LONP2: variants seen among roughly 807,000 people sequenced by gnomAD.
LONP2 encodes lon peptidase 2, peroxisomal.
In LONP2, 60 loss-of-function variants were observed where a neutral mutation model predicts 85.6. The ratio of observed to expected loss-of-function variants is 0.70; its 90% CI spans 0.57 to 0.87. The LOEUF (loss-of-function observed/expected upper bound fraction) is 0.87. LONP2 is among the 40% of genes least tolerant of loss of function. LONP2 has a pLI of 0.00. For synonymous variants in LONP2, 395 were observed against 389.7 expected, an observed-to-expected ratio of 1.01 and a Z score of -0.16; for missense variants, 860 against 1,063.5, an observed-to-expected ratio of 0.81 and a Z score of 2.66.
chr16:48,265,437 G>T (rs1483007507), intron 6 of LONP2, among the ~76,000 whole-genome samples: 2 of 152,080 alleles, frequency 1.3e-5, no homozygotes, highest in African/African-American at 4.8e-5. Flanking sequence ...CTGCCTGTGG[G>T]TATCTGGTTT....
intron 7 of LONP2, among the ~76,000 whole-genome samples, chr16:48,275,308 C>T (rs2150980887): frequency 6.6e-6 from 1 of 152,258 alleles, no homozygotes; most frequent in Admixed American, 6.5e-5. Context: ...GAGGCTTGTA[C>T]TGTGTTACCT....
chr16:48,347,627 G>A lies in LONP2; in HGVS notation c.2059G>A (p.Gly687Ser). 1.2e-6 allele frequency: 2 copies of A among 1,614,244 alleles called. No homozygotes were observed. Among genetic ancestry groups the A allele is most frequent in the Non-Finnish European group, 1.7e-6 (2 of 1,180,054 alleles). Reference protein sequence around the residue: ...MDGEGQLTLTGQLGDVMKESA... With the variant: ...MDGEGQLTLTSQLGDVMKESA... ...TGGCGAGGGCCAGTTAACTCTGACCGGCCAGCTCGGGGACGTGATGAAGGA... is the reference window on the plus strand; with the variant it reads ...TGGCGAGGGCCAGTTAACTCTGACCAGCCAGCTCGGGGACGTGATGAAGGA... Residue 687 changes from glycine (G) to serine (S), a missense_variant, in exon 13 of 15, where the codon GGC (glycine) becomes AGC (serine). By Grantham distance (56) the Gly-to-Ser change is moderately conservative. Transcript: ENST00000285737.
rs1044370467 is a variant in LONP2 at position 48,352,230 on chromosome 16, C to T, written c.*428C>T. On this transcript the variant is annotated 3_prime_UTR_variant, in exon 15 of 15. Transcript: ENST00000285737. Reference sequence around the variant, plus strand: ...TCTGCTGCACACTCAAGTTCAGGAACCACCGGTATAGACCATTACCTTAGT... The same window carrying T: ...TCTGCTGCACACTCAAGTTCAGGAATCACCGGTATAGACCATTACCTTAGT... The T allele has an allele frequency of 5.3e-6, 1 of 189,018 alleles. No homozygotes were observed. Among genetic ancestry groups the T allele is most frequent in the Non-Finnish European group, 1.1e-5 (1 of 89,520 alleles). 11.7% of individuals were successfully genotyped at this position (189,018 alleles called of 1,614,324 possible).
intron 4 of LONP2, 57 bp from the exon 5 acceptor site, chr16:48,261,367 T>A: frequency 7.7e-7 from 1 of 1,292,908 alleles, no homozygotes; most frequent in Admixed American, 2.1e-5. Flanking sequence ...TGTACCTGGG[T>A]ACTTCGTTTC....
chr16:48,357,516 C>T (rs545717316), downstream of LONP2, among the ~76,000 whole-genome samples: 6 of 152,178 alleles, frequency 3.9e-5, no homozygotes, highest in Non-Finnish European at 8.8e-5. Flanking sequence ...CACAGTCCTG[C>T]GTGGTAGTTC....
rs142741961 is a variant in LONP2 at position 48,299,731 on chromosome 16, G to T, written c.1604G>T (p.Gly535Val). ...ATCCCCAAGCAGCTGGAACAACATG[G>T]GCTGACTCCACAGCAGATTCAGATA... ...HLIPKQLEQH[G>V]LTPQQIQIPQ... The change falls in exon 10 of 15, where the codon GGG becomes GTG. Residue 535 changes from glycine (G) to valine (V), a missense_variant. This residue lies in a region of LONP2 where 743 missense variants were observed against 917.3 expected (regional missense o/e 0.81). Coordinates refer to ENST00000285737, the MANE Select transcript of LONP2 (RefSeq NM_031490.5). 4.3e-6 allele frequency: 7 copies of T among 1,613,818 alleles called. No individual in the cohort carries two copies. The highest frequency in any genetic ancestry group is 5.1e-6 in the Non-Finnish European group (6 of 1,179,926).
rs1001369473 is a variant in LONP2, at chr16:48,353,041, G to A, written c.*1239G>A. 3 of 152,190 alleles carry A rather than the reference G, an allele frequency of 2.0e-5. No individual in the cohort carries two copies. Among genetic ancestry groups the A allele is most frequent in the African/African-American group, 7.2e-5 (3 of 41,444 alleles). 9.4% of individuals were successfully genotyped at this position (152,190 alleles called of 1,614,324 possible). ...TTGTATCTTGGTTTTCTTCATCCAT[G>A]AAATCCAAGTAATACTACCTAATTG... On this transcript the variant is annotated 3_prime_UTR_variant, in exon 15 of 15. Coordinates refer to ENST00000285737, the MANE Select transcript of LONP2 (RefSeq NM_031490.5).
chr16:48,361,323 C>A, downstream of LONP2: 1 of 378,730 alleles, frequency 2.6e-6, no homozygotes, highest in South Asian at 3.7e-5. Flanking sequence ...ACAATGCTTC[C>A]TTTCTTAATA....
chr16:48,250,886 T>G (rs1971628552), intron 1 of LONP2, among the ~76,000 whole-genome samples: 1 of 152,244 alleles, frequency 6.6e-6, no homozygotes, highest in African/African-American at 2.4e-5. Flanking sequence ...AGCTAATTGC[T>G]AAATAATTTC....
At chr16:48,334,966 G>A (rs769100441) in intron 12 of LONP2, 2 of 290,694 alleles carry the variant, frequency 6.9e-6, no homozygotes, top group Non-Finnish European at 1.4e-5. Flanking sequence ...GTTTCCAGAG[G>A]CTGAATTTTG....
chr16:48,301,757 T>C (rs1002125233), intron 10 of LONP2, among the ~76,000 whole-genome samples: 7 of 152,248 alleles, frequency 4.6e-5, no homozygotes, highest in African/African-American at 1.7e-4. Flanking sequence ...ATTTTCTTCT[T>C]CTGCCTTATA....
chr16:48,267,385 C>T (rs1452134658), intron 6 of LONP2, among the ~76,000 whole-genome samples: 4 of 151,506 alleles, frequency 2.6e-5, no homozygotes, highest in Non-Finnish European at 4.4e-5. Flanking sequence ...CTGCAGCCTC[C>T]GCCTCCTGGG....
chr16:48,325,509 A>G (rs1171515872), intron 11 of LONP2, among the ~76,000 whole-genome samples: 1 of 152,184 alleles, frequency 6.6e-6, no homozygotes, highest in Non-Finnish European at 1.5e-5. Flanking sequence ...GAGATCATGC[A>G]GTATTTGTCT....
At chr16:48,300,244 TTCTTC>T (rs1972775139) in intron 10 of LONP2, among the ~76,000 whole-genome samples, 1 of 152,238 alleles carries the variant, frequency 6.6e-6, no homozygotes, top group East Asian at 1.9e-4. Flanking sequence ...CACTTTTCTT[TTCTTC>T]TCTTTGGCTG....
At chr16:48,250,115 C>T (rs988219860) in intron 1 of LONP2, among the ~76,000 whole-genome samples, 1 of 150,830 alleles carries the variant, frequency 6.6e-6, no homozygotes, top group African/African-American at 2.4e-5. Flanking sequence ...TCCCTTGAAC[C>T]CAGGAGGCAG....
intron 11 of LONP2, among the ~76,000 whole-genome samples, chr16:48,320,866 T>C (rs549260365): frequency 4.7e-4 from 72 of 152,308 alleles, no homozygotes; most frequent in African/African-American, 1.7e-3. Context: ...TGAATTCCAA[T>C]TGGGGACAGG....
At position 48,299,401 on chromosome 16, in the gene LONP2, T is replaced by C. The variant is rs374384067; in HGVS notation, c.1535-261T>C. Among the ~76,000 whole-genome samples, 239 of 151,776 alleles carry C rather than the reference T, an allele frequency of 1.6e-3. 4 individuals are homozygous for C. The South Asian group carries it at 0.021, about 13-fold the overall frequency. ...GGAGTTTGAGACCAGCCTGGCCAAC[T>C]TGGCAAAGCCCTGTCTACTGAAAAT... On this transcript the variant is annotated intron_variant, in intron 9 of 14. Coordinates refer to ENST00000285737, the MANE Select transcript of LONP2 (RefSeq NM_031490.5).
chr16:48,340,328 C>A (rs1959775847), intron 12 of LONP2, among the ~76,000 whole-genome samples: 1 of 152,104 alleles, frequency 6.6e-6, no homozygotes, highest in African/African-American at 2.4e-5. Context: ...CACTGCATTG[C>A]CCAGTAATAC....
chr16:48,272,778 T>C (rs1029274998), intron 7 of LONP2, among the ~76,000 whole-genome samples: 1 of 152,166 alleles, frequency 6.6e-6, no homozygotes, highest in Admixed American at 6.6e-5. Context: ...CCTTGTGCTG[T>C]TGGGGACATA....
Sources: allele counts gnomAD v4.1 joint callset (sites outside exome capture counted in the v4.1 genomes callset), GRCh38; gene constraint gnomAD v4.1.1; regional missense constraint gnomAD v4.1.1; transcripts MANE v1.5; gene names NCBI Gene and HGNC (gene_info 2026-07-23, HGNC 2026-07-21).